ADAMTS14: variants seen among roughly 807,000 people sequenced by gnomAD.
ADAMTS14 encodes the protein ADAM metallopeptidase with thrombospondin type 1 motif 14.
Under a neutral mutation model 128.6 loss-of-function variants are expected in ADAMTS14, and 100 were observed. That is an observed-to-expected ratio of 0.78 (90% CI 0.66 to 0.92). The LOEUF (loss-of-function observed/expected upper bound fraction) is 0.92. Among genes scored for constraint, ADAMTS14 ranks in the 40% least tolerant of loss-of-function variants. The pLI is 0.00. For synonymous variants in ADAMTS14, 665 were observed against 653.8 expected, an observed-to-expected ratio of 1.02 and a Z score of -0.26; for missense variants, 1,562 against 1,658.6, an observed-to-expected ratio of 0.94 and a Z score of 1.01.
chr10:70,741,737 C>CT (rs960905864), intron 12 of ADAMTS14, among the ~76,000 whole-genome samples: 6 of 152,222 alleles, frequency 3.9e-5, no homozygotes, highest in Non-Finnish European at 8.8e-5. Flanking sequence ...ATACACAGGA[C>CT]TTCTAGACTC....
At chr10:70,702,805 A>G (rs1840538229) in intron 3 of ADAMTS14, among the ~76,000 whole-genome samples, 1 of 152,076 alleles carries the variant, frequency 6.6e-6, no homozygotes, top group Non-Finnish European at 1.5e-5. Flanking sequence ...CCCCCCTAAA[A>G]TTGACTCAAC....
At chr10:70,741,430 T>C (rs1351433332) in intron 12 of ADAMTS14, among the ~76,000 whole-genome samples, 2 of 152,192 alleles carry the variant, frequency 1.3e-5, no homozygotes, top group Non-Finnish European at 2.9e-5. Context: ...AAGGAAAGTG[T>C]CTTGAGGAAG....
intron 4 of ADAMTS14, among the ~76,000 whole-genome samples, chr10:70,711,831 T>TGGCAGCAGGAGAG (rs1840870987): frequency 6.6e-6 from 1 of 152,022 alleles, no homozygotes; most frequent in Non-Finnish European, 1.5e-5. Context: ...CCCATTGAGA[T>TGGCAGCAGGAGAG]GGCAGCAGGA....
At chr10:70,744,237 T>C (rs764750482) in intron 14 of ADAMTS14, 48 bp downstream of exon 14, 79 of 1,469,766 alleles carry the variant, frequency 5.4e-5, no homozygotes, top group Non-Finnish European at 6.8e-5. Context: ...ACTGGAGTTC[T>C]TGCCGTCCCT....
Position 70,741,165 on chromosome 10 carries a change from G to A in ADAMTS14, c.1924+3G>A. On this transcript the variant is annotated splice_donor_region_variant and intron_variant, in intron 12 of 21. Coordinates refer to ENST00000373207, the MANE Select transcript of ADAMTS14 (RefSeq NM_080722.4). ...GGTGCCCTACGAGCCTGACGATGGT[G>A]AGTGGGCCCCACCCCCCTCCCACTC... 1 of 1,611,754 alleles carries A rather than the reference G, an allele frequency of 6.2e-7. No homozygotes were observed. Among genetic ancestry groups the A allele is most frequent in the Non-Finnish European group, 8.5e-7 (1 of 1,178,786 alleles).
chr10:70,688,010 A>G (rs1840039629), intron 2 of ADAMTS14, among the ~76,000 whole-genome samples: 1 of 59,232 alleles, frequency 1.7e-5, no homozygotes, highest in African/African-American at 6.8e-5. Context: ...TGCCGGGCGG[A>G]GACGCTCCTC....
rs905950403 is a variant in ADAMTS14, at chr10:70,752,255, G to T, written c.2729+28G>T. 14 of 1,611,478 alleles carry T rather than the reference G, an allele frequency of 8.7e-6. No homozygotes were observed. The African/African-American group carries it at 1.6e-4, about 18-fold the overall frequency. ...GAGTGCTCCCAGGGAGGGACGGGGAGTCTGGTTCTATGCCTAGCCCGGGCC... is the reference window on the plus strand; with the variant it reads ...GAGTGCTCCCAGGGAGGGACGGGGATTCTGGTTCTATGCCTAGCCCGGGCC... On this transcript the variant is annotated intron_variant, in intron 18 of 21. Transcript: ENST00000373207.
intron 4 of ADAMTS14, among the ~76,000 whole-genome samples, chr10:70,709,426 T>A (rs1287093244): frequency 2.0e-5 from 3 of 150,124 alleles, no homozygotes; most frequent in Non-Finnish European, 4.4e-5. Flanking sequence ...GAAATGTAGT[T>A]TTTTTTTAAG....
chr10:70,734,949 G>T (rs1841777113), intron 8 of ADAMTS14, among the ~76,000 whole-genome samples: 1 of 152,224 alleles, frequency 6.6e-6, no homozygotes, highest in Non-Finnish European at 1.5e-5. Flanking sequence ...GCCTTTGGCT[G>T]CAAATGGAGC....
intron 9 of ADAMTS14, 97 bp from the exon 10 acceptor site, chr10:70,736,583 C>T (rs1841834217): frequency 2.7e-6 from 3 of 1,124,824 alleles, no homozygotes; most frequent in Non-Finnish European, 3.8e-6. Context: ...GCCCTGGGTG[C>T]CTGCACTCAT....
At chr10:70,715,212 A>G (rs1264050717) in intron 4 of ADAMTS14, among the ~76,000 whole-genome samples, 1 of 152,200 alleles carries the variant, frequency 6.6e-6, no homozygotes, top group Non-Finnish European at 1.5e-5. Flanking sequence ...AAAGCTGAGA[A>G]GGCTTCTTTC....
chr10:70,747,929 T>C (rs1341051499), intron 15 of ADAMTS14, among the ~76,000 whole-genome samples: 1 of 151,870 alleles, frequency 6.6e-6, no homozygotes. Context: ...CAACAGGATA[T>C]GTAGAGGCCC....
chr10:70,748,564 TG>T lies in ADAMTS14; in HGVS notation c.2264-1255del, dbSNP rs368569839. On this transcript the variant is annotated intron_variant, in intron 15 of 21. Coordinates refer to ENST00000373207, the MANE Select transcript of ADAMTS14 (RefSeq NM_080722.4). ...TGCCCCTACATTGCTCCTGTCTCTC[TG>T]GGTGCCTGGGCTCTGGCCCAGCTCC... 4.7e-3 allele frequency among the ~76,000 whole-genome samples: 718 copies of T among 152,352 alleles called. 3 individuals carry two copies. Among genetic ancestry groups the T allele is most frequent in the African/African-American group, 0.016 (673 of 41,580 alleles).
chr10:70,759,357 T>TTCTC (rs371405895), intron 21 of ADAMTS14, among the ~76,000 whole-genome samples: 1 of 150,972 alleles, frequency 6.6e-6, no homozygotes, highest in African/African-American at 2.4e-5. Flanking sequence ...ACCTCCCTCT[T>TTCTC]TCTCTCTCTC....
Position 70,751,665 on chromosome 10 carries a change from G to T in ADAMTS14, c.2596+19G>T. The T allele has an allele frequency of 6.3e-7, 1 of 1,597,278 alleles. No homozygotes were observed. The highest frequency in any genetic ancestry group is 8.6e-7 in the Non-Finnish European group (1 of 1,166,070). On this transcript the variant is annotated intron_variant, in intron 17 of 21. Transcript: ENST00000373207. Reference sequence around the variant, plus strand: ...GGAGGAGGTACCGGTTCCCTGACCCGCCAGTGCTTTGTTGGGGCAGCCCAG... The same window carrying T: ...GGAGGAGGTACCGGTTCCCTGACCCTCCAGTGCTTTGTTGGGGCAGCCCAG...
chr10:70,709,523 C>T (rs1321262264), intron 4 of ADAMTS14, among the ~76,000 whole-genome samples: 13 of 57,220 alleles, frequency 2.3e-4, no homozygotes, highest in African/African-American at 7.8e-4. Context: ...TTTTTTGAGA[C>T]GGAGTCTGGC....
chr10:70,753,730 G>A, intron 18 of ADAMTS14, 70 bp from the exon 19 acceptor site: 1 of 1,434,336 alleles, frequency 7.0e-7, no homozygotes, highest in Admixed American at 2.4e-5. Flanking sequence ...AGCTGTCTGG[G>A]GATAGAAAGT....
At position 70,758,082 on chromosome 10, in the gene ADAMTS14, G is replaced by A. The variant is rs1169781362; in HGVS notation, c.3058G>A (p.Ala1020Thr). The part of the protein sequence containing the change: ...PDTVQVCSLP[A>T]CGGNHQNSTV... ...CACTGTCCAGGTCTGCAGCCTGCCC[G>A]CCTGTGGAGGTGAGCCAGAGGGGAT... The change falls in exon 20 of 22, where the codon GCC becomes ACC. Residue 1020 changes from alanine (A) to threonine (T), a missense_variant. Physicochemically the swap from Ala to Thr is moderately conservative, Grantham distance 58 (BLOSUM62 0). Coordinates refer to ENST00000373207, the MANE Select transcript of ADAMTS14 (RefSeq NM_080722.4). 21 of 1,612,268 alleles carry A rather than the reference G, an allele frequency of 1.3e-5. No individual in the cohort carries two copies. The highest frequency in any genetic ancestry group is 1.6e-5 in the Non-Finnish European group (19 of 1,179,140).
rs56656736 is a variant in ADAMTS14 at position 70,721,019 on chromosome 10, CTTTTTTTTTT to C, written c.871-8261_871-8252del. ...TAGAAGAGAGCTTTTTCTCTTTTTT[CTTTTTTTTTT>C]TTTTTTTTTTTTTGAGATGGACTCT... On this transcript the variant is annotated intron_variant, in intron 4 of 21. Transcript: ENST00000373207. 7.1e-5 allele frequency among the ~76,000 whole-genome samples: 6 copies of C among 84,330 alleles called. No homozygotes were observed. In the Admixed American group the frequency reaches 7.4e-4, roughly 10 times the overall value. The allele number at this position is 84,330 out of a possible 152,430, so 55.3% of individuals were successfully genotyped here.
Sources: gnomAD v4.1 joint callset for allele counts (sites outside exome capture counted in the v4.1 genomes callset) on GRCh38, gnomAD v4.1.1 for gene constraint, MANE v1.5 for transcripts, NCBI Gene and HGNC (gene_info 2026-07-23, HGNC 2026-07-21) for gene names.